The following CNTNAP2 variants were observed in gnomAD, a reference collection of about 807,000 sequenced individuals.
CNTNAP2 encodes contactin-associated protein-like 2.
CNTNAP2 carries 98 observed loss-of-function variants against 155.2 expected under a neutral mutation model. The observed-to-expected ratio is 0.63, with a 90% CI of 0.54 to 0.75. CNTNAP2 has a LOEUF of 0.75. Among genes scored for constraint, CNTNAP2 ranks in the 30% least tolerant of loss-of-function variants. The pLI, the probability that CNTNAP2 is intolerant of heterozygous loss-of-function variation, is 0.00. For missense variants in CNTNAP2, 1,727 were observed against 1,688.1 expected, an observed-to-expected ratio of 1.02 and a Z score of -0.40; for synonymous variants, 651 against 631.2, an observed-to-expected ratio of 1.03 and a Z score of -0.47.
rs188198943 is a variant in CNTNAP2, at chr7:148,009,443, C to G, written c.2383+31454C>G. Among the ~76,000 whole-genome samples, 252 of 152,224 alleles carry G rather than the reference C, an allele frequency of 1.7e-3. 2 individuals are homozygous for G. The highest frequency in any genetic ancestry group is 5.8e-3 in the African/African-American group (241 of 41,568). Reference sequence around the variant, plus strand: ...TCTGTAGTGTTTTTGGACAGGAGAGCTAGTAACAAAACTTGAACACTATAC... The same window carrying G: ...TCTGTAGTGTTTTTGGACAGGAGAGGTAGTAACAAAACTTGAACACTATAC... On this transcript the variant is annotated intron_variant, in intron 15 of 23. Transcript: ENST00000361727.
At chr7:147,195,253 G>A (rs1051057213) in intron 8 of CNTNAP2, among the ~76,000 whole-genome samples, 1 of 152,058 alleles carries the variant, frequency 6.6e-6, no homozygotes, top group Non-Finnish European at 1.5e-5. Flanking sequence ...TGATTTCTAA[G>A]GTCTCTATTC....
intron 3 of CNTNAP2, among the ~76,000 whole-genome samples, chr7:146,843,391 C>T (rs1232222458): frequency 6.6e-6 from 1 of 152,000 alleles, no homozygotes; most frequent in Non-Finnish European, 1.5e-5. Context: ...AGTCCACCCC[C>T]GTGATCCAAT....
intron 3 of CNTNAP2, among the ~76,000 whole-genome samples, chr7:146,848,311 GAA>G (rs1794802013): frequency 6.6e-6 from 1 of 152,174 alleles, no homozygotes; most frequent in Non-Finnish European, 1.5e-5. Context: ...AGAATAACTG[GAA>G]TTTACAGTGC....
chr7:148,356,369 T>C (rs12539611), intron 21 of CNTNAP2, among the ~76,000 whole-genome samples: 59,854 of 152,050 alleles, frequency 0.39, 12,407 homozygotes, highest in East Asian at 0.64. Flanking sequence ...AAAAATGCCA[T>C]GTGTGCTCTG....
chr7:148,313,273 G>A (rs60393822), intron 21 of CNTNAP2, among the ~76,000 whole-genome samples: 59,267 of 148,758 alleles, frequency 0.4, 12,349 homozygotes, highest in African/African-American at 0.52. Context: ...ATCGGCATCC[G>A]TGATAGTCTA....
chr7:147,792,759 C>G (rs1054244314), intron 13 of CNTNAP2, among the ~76,000 whole-genome samples: 1 of 152,042 alleles, frequency 6.6e-6, no homozygotes, highest in African/African-American at 2.4e-5. Context: ...GTATGTGTAG[C>G]CTTTGAGGAA....
chr7:146,234,695 C>T (rs1584817124), intron 1 of CNTNAP2, among the ~76,000 whole-genome samples: 1 of 152,088 alleles, frequency 6.6e-6, no homozygotes, highest in Non-Finnish European at 1.5e-5. Flanking sequence ...AGCCAGTTTT[C>T]CCAGCACCAT....
chr7:147,814,466 T>G (rs1798235452), intron 13 of CNTNAP2, among the ~76,000 whole-genome samples: 1 of 152,176 alleles, frequency 6.6e-6, no homozygotes, highest in African/African-American at 2.4e-5. Flanking sequence ...CCACAGAAGA[T>G]GAAATTAGCT....
At chr7:148,222,542 C>CAAT (rs1491302087) in intron 19 of CNTNAP2, among the ~76,000 whole-genome samples, 6 of 151,724 alleles carry the variant, frequency 4.0e-5, no homozygotes, top group African/African-American at 1.5e-4. Context: ...TTCCATGAAT[C>CAAT]GATGAATGGA....
At chr7:148,213,280 G>T (rs1348867880) in intron 18 of CNTNAP2, among the ~76,000 whole-genome samples, 1 of 152,096 alleles carries the variant, frequency 6.6e-6, no homozygotes, top group Admixed American at 6.5e-5. Context: ...CCAGGAAAGT[G>T]GTCACAGAAA....
At chr7:148,400,562 A>C (rs1034581104) in intron 22 of CNTNAP2, among the ~76,000 whole-genome samples, 8 of 152,164 alleles carry the variant, frequency 5.3e-5, no homozygotes, top group African/African-American at 1.9e-4. Context: ...AAATCCACAG[A>C]TCCTCAAGTT....
intron 5 of CNTNAP2, among the ~76,000 whole-genome samples, chr7:147,108,967 T>A (rs1448853481): frequency 6.7e-6 from 1 of 150,086 alleles, no homozygotes; most frequent in Non-Finnish European, 1.5e-5. Flanking sequence ...TGCTGTGAGT[T>A]ATTAAGACAA....
intron 1 of CNTNAP2, among the ~76,000 whole-genome samples, chr7:146,660,549 TAGC>T (rs1800069043): frequency 6.6e-6 from 1 of 152,210 alleles, no homozygotes; most frequent in South Asian, 2.1e-4. Context: ...TCTCAATAAA[TAGC>T]AGATGTTTTA....
At position 147,587,951 on chromosome 7, in the gene CNTNAP2, C is replaced by G. The variant is rs968492531; in HGVS notation, c.1897+25694C>G. ...GTCTGTATAACCCTGAGTCCATGGA[C>G]AAATAAATTTGCTTTCCTGAGCCTT... On this transcript the variant is annotated intron_variant, in intron 12 of 23. Coordinates refer to ENST00000361727, the MANE Select transcript of CNTNAP2 (RefSeq NM_014141.6). Among the ~76,000 whole-genome samples the G allele has an allele frequency of 5.9e-5, 9 of 152,208 alleles. No homozygotes were observed. In the East Asian group the frequency reaches 1.5e-3, roughly 26 times the overall value.
chr7:146,697,243 A>ATT (rs113157215), intron 1 of CNTNAP2, among the ~76,000 whole-genome samples: 60 of 143,256 alleles, frequency 4.2e-4, no homozygotes, highest in East Asian at 3.3e-3. Flanking sequence ...TTATTTATTT[A>ATT]TTTATTTATT....
At chr7:147,342,750 C>G (rs1267283992) in intron 9 of CNTNAP2, among the ~76,000 whole-genome samples, 1 of 151,976 alleles carries the variant, frequency 6.6e-6, no homozygotes, top group Non-Finnish European at 1.5e-5. Context: ...GAAATACAAG[C>G]CACAACAGAA....
intron 8 of CNTNAP2, among the ~76,000 whole-genome samples, chr7:147,292,509 CA>C (rs1805336902): frequency 6.6e-6 from 1 of 152,022 alleles, no homozygotes; most frequent in African/African-American, 2.4e-5. Flanking sequence ...TGCATTTCTA[CA>C]AAAACTATAT....
chr7:147,503,239 C>T (rs34203743), intron 11 of CNTNAP2, among the ~76,000 whole-genome samples: 48,554 of 151,872 alleles, frequency 0.32, 7,996 homozygotes, highest in East Asian at 0.43. Context: ...TCAATCTATT[C>T]TCTGCCTCCT....
chr7:147,688,361 T>C (rs552694125), intron 13 of CNTNAP2, among the ~76,000 whole-genome samples: 1 of 152,136 alleles, frequency 6.6e-6, no homozygotes, highest in African/African-American at 2.4e-5. Context: ...TCTAAAACTC[T>C]GAAATGCGTG....
Sources: allele counts gnomAD v4.1 joint callset (sites outside exome capture counted in the v4.1 genomes callset), GRCh38; gene constraint gnomAD v4.1.1; transcripts MANE v1.5; gene names NCBI Gene and HGNC (gene_info 2026-07-23, HGNC 2026-07-21).